Variants in SNX8 observed in about 807,000 individuals in gnomAD.
SNX8 encodes sorting nexin 8.
SNX8 carries 25 observed loss-of-function variants against 51.6 expected under a neutral mutation model. That is an observed-to-expected ratio of 0.48 (90% CI 0.35 to 0.68). The LOEUF is 0.68. Ranked by LOEUF, SNX8 falls within the 30% of genes least tolerant of loss-of-function variation. The pLI is 0.00. For synonymous variants in SNX8, 324 were observed against 277.0 expected, an observed-to-expected ratio of 1.17 and a Z score of -1.68; for missense variants, 695 against 624.0, an observed-to-expected ratio of 1.11 and a Z score of -1.21.
At chr7:2,286,537 T>A (rs1313123425) in intron 1 of SNX8, among the ~76,000 whole-genome samples, 1 of 150,934 alleles carries the variant, frequency 6.6e-6, no homozygotes, top group East Asian at 2.0e-4. Flanking sequence ...TTTTTTTTTT[T>A]AATGGAGTCT....
chr7:2,320,829 T>C (rs1226854712), intron 1 of SNX8, among the ~76,000 whole-genome samples: 5 of 152,050 alleles, frequency 3.3e-5, no homozygotes, highest in Admixed American at 1.3e-4. Flanking sequence ...GAGACCAGCC[T>C]GGCCAACATG....
intron 1 of SNX8, among the ~76,000 whole-genome samples, chr7:2,301,004 C>T (rs1562446633): frequency 6.6e-6 from 1 of 152,178 alleles, no homozygotes; most frequent in Non-Finnish European, 1.5e-5. Context: ...CACAAAATGA[C>T]TTCAACACTC....
At position 2,269,648 on chromosome 7, in the gene SNX8, G is replaced by C. The variant is rs1325754720; in HGVS notation, c.541-9C>G. 6.3e-7 allele frequency: 1 copy of C among 1,587,264 alleles called. No homozygotes were observed. Among genetic ancestry groups the C allele is most frequent in the Non-Finnish European group, 8.6e-7 (1 of 1,165,794 alleles). On this transcript the variant is annotated splice_polypyrimidine_tract_variant and intron_variant, in intron 4 of 10. Coordinates refer to ENST00000222990, the MANE Select transcript of SNX8 (RefSeq NM_013321.4). Reference sequence around the variant, plus strand: ...AACTTGTTCTGCACATCCTGCAAAAGGAAAACACACAGCTTCACCCTCTTC... The same window carrying C: ...AACTTGTTCTGCACATCCTGCAAAACGAAAACACACAGCTTCACCCTCTTC...
chr7:2,257,686 GATC>G, intron 8 of SNX8, 46 bp downstream of exon 8: 3 of 1,596,686 alleles, frequency 1.9e-6, no homozygotes, highest in Non-Finnish European at 2.6e-6. Flanking sequence ...AGGATCCTAA[GATC>G]ATTCCTGAAA....
chr7:2,262,693 A>T (rs530304900), intron 7 of SNX8, among the ~76,000 whole-genome samples: 1 of 152,336 alleles, frequency 6.6e-6, no homozygotes, highest in South Asian at 2.1e-4. Flanking sequence ...TCAACACTCA[A>T]GACTACAGCC....
chr7:2,347,454 T>A (rs1260703349), intron 1 of SNX8, among the ~76,000 whole-genome samples: 1 of 137,356 alleles, frequency 7.3e-6, no homozygotes, highest in South Asian at 2.4e-4. Context: ...GCACTCCAGC[T>A]TGGGCGACAG....
intron 5 of SNX8, 78 bp downstream of exon 5, chr7:2,269,481 C>T (rs994229757): frequency 3.8e-6 from 3 of 788,222 alleles, no homozygotes; most frequent in East Asian, 3.0e-5. Flanking sequence ...CCAAATCCCC[C>T]TCTGCGAGAA....
At chr7:2,278,482 AAAAAT>A (rs1772002679) in intron 1 of SNX8, among the ~76,000 whole-genome samples, 177 bp from the exon 2 acceptor site, 1 of 152,202 alleles carries the variant, frequency 6.6e-6, no homozygotes, top group African/African-American at 2.4e-5. Context: ...CATCTGTACA[AAAAAT>A]AAAATAAATT....
In SNX8 at chr7:2,276,848, G is replaced by A. The variant is rs574149772; in HGVS notation, c.300+1252C>T. Among the ~76,000 whole-genome samples the A allele has an allele frequency of 3.3e-5, 5 of 151,460 alleles. No individual in the cohort carries two copies. In the South Asian group the frequency reaches 8.4e-4, roughly 26 times the overall value. ...TGGTTCCAGCTACTCAGGAGACTGA[G>A]GTGGGAGGGTTGCTTGAGCCTGGGA... On this transcript the variant is annotated intron_variant, in intron 2 of 10. Coordinates refer to ENST00000222990, the MANE Select transcript of SNX8 (RefSeq NM_013321.4).
chr7:2,310,756 G>C (rs576299584), intron 1 of SNX8, among the ~76,000 whole-genome samples: 2 of 137,024 alleles, frequency 1.5e-5, no homozygotes, highest in East Asian at 4.0e-4. Context: ...GGGCAAAAGA[G>C]TGAAACTACG....
At chr7:2,255,314 G>T in intron 10 of SNX8, 145 bp from the exon 11 acceptor site, 1 of 603,610 alleles carries the variant, frequency 1.7e-6, no homozygotes, top group Non-Finnish European at 2.9e-6. Context: ...CAGAACCAGT[G>T]CTGCCCATCC....
At chr7:2,310,434 G>A (rs1361593088) in intron 1 of SNX8, among the ~76,000 whole-genome samples, 1 of 152,088 alleles carries the variant, frequency 6.6e-6, no homozygotes, top group Non-Finnish European at 1.5e-5. Context: ...CACCAGCCTG[G>A]GCAACACAGC....
At chr7:2,330,143 T>C (rs1583116644) in intron 1 of SNX8, among the ~76,000 whole-genome samples, 1 of 142,762 alleles carries the variant, frequency 7.0e-6, no homozygotes, top group Non-Finnish European at 1.5e-5. Context: ...TTTTTCTTTT[T>C]TTTTTTTTTT....
rs1159415978 is a variant in SNX8, at chr7:2,297,652, C to T, written c.94+16676G>A. ...TGGAATCAACCTAAGTGCCCGTCAA[C>T]CGATGAGTAGATGCAGAAAATGTGG... On this transcript the variant is annotated intron_variant, in intron 1 of 10. Transcript: ENST00000222990. 4.0e-5 allele frequency among the ~76,000 whole-genome samples: 6 copies of T among 151,028 alleles called. No homozygotes were observed. The South Asian group carries it at 1.3e-3, about 32-fold the overall frequency.
chr7:2,302,620 C>T (rs1236674245), intron 1 of SNX8, among the ~76,000 whole-genome samples: 3 of 150,482 alleles, frequency 2.0e-5, no homozygotes, highest in Middle Eastern at 3.2e-3. Flanking sequence ...AAGTGAGGAG[C>T]GTCTCTGCCC....
At chr7:2,278,048 G>T in intron 2 of SNX8, 52 bp downstream of exon 2, 1 of 1,586,188 alleles carries the variant, frequency 6.3e-7, no homozygotes, top group Non-Finnish European at 8.6e-7. Context: ...ATGTTGAGAC[G>T]TGACCCTTTC....
chr7:2,275,326 G>T, intron 2 of SNX8, 97 bp from the exon 3 acceptor site: 1 of 799,478 alleles, frequency 1.3e-6, no homozygotes, highest in Non-Finnish European at 2.2e-6. Flanking sequence ...AGCACCAAGT[G>T]CATCTTCTCT....
At chr7:2,257,641 G>C (rs1182200974) in intron 8 of SNX8, 94 bp downstream of exon 8, 1 of 1,560,970 alleles carries the variant, frequency 6.4e-7, no homozygotes, top group African/African-American at 1.4e-5. Flanking sequence ...TGGCTTCTCA[G>C]CTCCTCTTCC....
At chr7:2,266,109 C>G (rs1226483655) in intron 5 of SNX8, among the ~76,000 whole-genome samples, 4 of 152,134 alleles carry the variant, frequency 2.6e-5, no homozygotes. Context: ...AGAGCAAGAC[C>G]TTGTCTCAAA....
Sources: gnomAD v4.1 joint callset for allele counts (sites outside exome capture counted in the v4.1 genomes callset) on GRCh38, gnomAD v4.1.1 for gene constraint, MANE v1.5 for transcripts, NCBI Gene and HGNC (gene_info 2026-07-23, HGNC 2026-07-21) for gene names.